TBC1D22A: variants seen among roughly 807,000 people sequenced by gnomAD.
TBC1D22A encodes TBC1 domain family member 22A, also known as putative GTPase activator.
Under a neutral mutation model 60.2 loss-of-function variants are expected in TBC1D22A, and 38 were observed. The observed-to-expected ratio is 0.63, with a 90% CI of 0.49 to 0.83. The LOEUF (loss-of-function observed/expected upper bound fraction) is 0.83. TBC1D22A is among the 40% of genes least tolerant of loss of function. The pLI is 0.00. For missense variants in TBC1D22A, 628 were observed against 701.0 expected (o/e 0.90, Z 1.18); for synonymous variants, 302 against 281.7 (o/e 1.07, Z -0.72).
intron 9 of TBC1D22A, among the ~76,000 whole-genome samples, chr22:46,977,607 T>C (rs985119573): frequency 4.6e-5 from 7 of 152,228 alleles, no homozygotes; most frequent in Non-Finnish European, 8.8e-5. Context: ...GTTCTCGCAC[T>C]GCTTAAAGAA....
intron 4 of TBC1D22A, among the ~76,000 whole-genome samples, chr22:46,830,607 G>A (rs1191858656): frequency 1.3e-5 from 2 of 152,212 alleles, no homozygotes; most frequent in Non-Finnish European, 2.9e-5. Flanking sequence ...ATCACTTTCC[G>A]TGGGCCAGCT....
At chr22:47,106,448 T>C (rs2065635241) in intron 11 of TBC1D22A, among the ~76,000 whole-genome samples, 1 of 152,336 alleles carries the variant, frequency 6.6e-6, no homozygotes, top group African/African-American at 2.4e-5. Context: ...AATAGATTGA[T>C]AGCATTCAAT....
chr22:46,962,824 C>T (rs1271570811), intron 8 of TBC1D22A, among the ~76,000 whole-genome samples: 1 of 152,176 alleles, frequency 6.6e-6, no homozygotes, highest in African/African-American at 2.4e-5. Context: ...AAGAGATATC[C>T]TGGCTGTGTT....
At chr22:47,132,690 G>A (rs978154044) in intron 12 of TBC1D22A, among the ~76,000 whole-genome samples, 1 of 152,208 alleles carries the variant, frequency 6.6e-6, no homozygotes, top group African/African-American at 2.4e-5. Context: ...TGTCTGCCAC[G>A]GTTGCTGTGC....
intron 4 of TBC1D22A, among the ~76,000 whole-genome samples, chr22:46,808,566 A>T (rs761191009): frequency 2.6e-5 from 4 of 151,994 alleles, no homozygotes; most frequent in Non-Finnish European, 4.4e-5. Flanking sequence ...GGTGAAATGT[A>T]GTCAGGTAAG....
intron 1 of TBC1D22A, among the ~76,000 whole-genome samples, chr22:46,775,637 A>G (rs576724896): frequency 4.6e-5 from 7 of 152,278 alleles, no homozygotes; most frequent in African/African-American, 1.7e-4. Context: ...CTTAGAATTA[A>G]TCTCTATAGT....
At chr22:47,027,391 GTTCTT>G (rs1473319018) in intron 10 of TBC1D22A, among the ~76,000 whole-genome samples, 1 of 152,136 alleles carries the variant, frequency 6.6e-6, no homozygotes, top group Non-Finnish European at 1.5e-5. Flanking sequence ...ACATGAGTAA[GTTCTT>G]TAGTGGTGAT....
intron 11 of TBC1D22A, among the ~76,000 whole-genome samples, chr22:47,050,957 G>A (rs1250737416): frequency 6.6e-6 from 1 of 152,292 alleles, no homozygotes; most frequent in South Asian, 2.1e-4. Context: ...GCAGGGGGTG[G>A]CGGGGGCAGT....
chr22:47,034,194 G>A (rs1166341771), intron 10 of TBC1D22A, among the ~76,000 whole-genome samples: 1 of 152,204 alleles, frequency 6.6e-6, no homozygotes, highest in African/African-American at 2.4e-5. Context: ...TGAGCAACAC[G>A]CTGGCGCTGC....
intron 4 of TBC1D22A, among the ~76,000 whole-genome samples, chr22:46,812,308 C>T (rs2085411349): frequency 6.6e-6 from 1 of 152,204 alleles, no homozygotes. Flanking sequence ...TTCCCTGGCA[C>T]CAGCGCTGGC....
At chr22:46,854,796 C>T (rs938305174) in intron 4 of TBC1D22A, among the ~76,000 whole-genome samples, 16 of 152,192 alleles carry the variant, frequency 1.1e-4, no homozygotes, top group African/African-American at 3.4e-4. Flanking sequence ...AGATCACACT[C>T]CTGATATTTA....
chr22:46,995,329 C>T (rs567761166), intron 9 of TBC1D22A, among the ~76,000 whole-genome samples: 1 of 152,198 alleles, frequency 6.6e-6, no homozygotes, highest in African/African-American at 2.4e-5. Context: ...GAGCCTGTCA[C>T]TTGAAATCCA....
chr22:47,126,130 C>G (rs1021598526), intron 12 of TBC1D22A, among the ~76,000 whole-genome samples: 6 of 152,166 alleles, frequency 3.9e-5, no homozygotes, highest in African/African-American at 1.4e-4. Flanking sequence ...TACAGGCACA[C>G]GCTACCACGC....
intron 5 of TBC1D22A, among the ~76,000 whole-genome samples, chr22:46,889,892 G>A (rs545645407): frequency 2.0e-5 from 3 of 152,316 alleles, no homozygotes; most frequent in South Asian, 2.1e-4. Context: ...AAGTGTGTCT[G>A]TATCTTCCTT....
intron 11 of TBC1D22A, among the ~76,000 whole-genome samples, chr22:47,088,029 C>T (rs13054725): frequency 0.029 from 4,349 of 151,966 alleles, 96 homozygotes; most frequent in Non-Finnish European, 0.041. Context: ...GCCAAGATTG[C>T]GCCACTGCAC....
intron 9 of TBC1D22A, among the ~76,000 whole-genome samples, chr22:46,981,093 C>T (rs186702538): frequency 2.4e-3 from 366 of 152,216 alleles, no homozygotes; most frequent in African/African-American, 8.3e-3. Flanking sequence ...GTGTAATAGC[C>T]GTGGAGCTAT....
At chr22:46,791,219 G>A (rs533316769) in intron 1 of TBC1D22A, among the ~76,000 whole-genome samples, 2 of 152,076 alleles carry the variant, frequency 1.3e-5, no homozygotes, top group African/African-American at 2.4e-5. Context: ...ACGTGGTTTC[G>A]CCATGTTGCC....
chr22:47,088,914 A>G (rs1259255248), intron 11 of TBC1D22A, among the ~76,000 whole-genome samples: 1 of 152,200 alleles, frequency 6.6e-6, no homozygotes, highest in Non-Finnish European at 1.5e-5. Context: ...CCATCTGCAT[A>G]GGATCCAGCC....
At chr22:46,849,262 C>G (rs980050249) in intron 4 of TBC1D22A, among the ~76,000 whole-genome samples, 14 of 152,236 alleles carry the variant, frequency 9.2e-5, no homozygotes, top group Admixed American at 7.8e-4. Flanking sequence ...CTCCAGACGG[C>G]AGATTGCTCT....
Sources: allele counts gnomAD v4.1 joint callset (sites outside exome capture counted in the v4.1 genomes callset), GRCh38; gene constraint gnomAD v4.1.1; transcripts MANE v1.5; gene names NCBI Gene and HGNC (gene_info 2026-07-23, HGNC 2026-07-21).